The following PRDM14 variants were observed in gnomAD, a reference collection of about 807,000 sequenced individuals.
PRDM14 encodes PR domain zinc finger protein 14.
Under a neutral mutation model 48.0 loss-of-function variants are expected in PRDM14, and 16 were observed. The ratio of observed to expected loss-of-function variants is 0.33; its 90% CI spans 0.23 to 0.51. The LOEUF is 0.51. Among genes scored for constraint, PRDM14 ranks in the 20% least tolerant of loss-of-function variants. PRDM14 has a pLI of 0.97. For synonymous variants in PRDM14, 264 were observed against 276.6 expected, an observed-to-expected ratio of 0.95 and a Z score of 0.45; for missense variants, 566 against 719.6, an observed-to-expected ratio of 0.79 and a Z score of 2.44.
intron 5 of PRDM14, among the ~76,000 whole-genome samples, chr8:70,063,108 A>G (rs1292487617): frequency 1.3e-5 from 2 of 152,302 alleles, no homozygotes; most frequent in East Asian, 1.9e-4. Flanking sequence ...AGTTACAAAC[A>G]TTGTAATAAT....
intron 5 of PRDM14, among the ~76,000 whole-genome samples, chr8:70,064,950 G>A (rs554407006): frequency 2.2e-4 from 33 of 150,172 alleles, no homozygotes; most frequent in South Asian, 1.5e-3. Flanking sequence ...GCAGTGGTGC[G>A]GTCTTGGCAT....
At chr8:70,061,031 A>G (rs1805573523) in intron 5 of PRDM14, among the ~76,000 whole-genome samples, 1 of 152,196 alleles carries the variant, frequency 6.6e-6, no homozygotes, top group Non-Finnish European at 1.5e-5. Flanking sequence ...GAGTCTTACC[A>G]ATGTGAGTGA....
intron 5 of PRDM14, among the ~76,000 whole-genome samples, chr8:70,064,580 A>G (rs951472818): frequency 2.1e-5 from 3 of 144,314 alleles, no homozygotes; most frequent in African/African-American, 7.8e-5. Context: ...GCTGGTGTGC[A>G]GTGGCGCAAT....
chr8:70,055,423 T>A, intron 6 of PRDM14, 22 bp from the exon 7 acceptor site: 1 of 1,358,880 alleles, frequency 7.4e-7, no homozygotes, highest in Non-Finnish European at 1.1e-6. Context: ...AAGAAAAATA[T>A]AGTTGAAATC....
At chr8:70,063,743 G>T (rs1048275682) in intron 5 of PRDM14, among the ~76,000 whole-genome samples, 6 of 152,096 alleles carry the variant, frequency 3.9e-5, no homozygotes, top group Non-Finnish European at 8.8e-5. Context: ...GGCTGGTCGT[G>T]AACTCCTGAC....
Position 70,066,117 on chromosome 8 carries a change from G to A in PRDM14, c.1183+118C>T, listed in dbSNP as rs190549160. 1.9e-5 allele frequency: 21 copies of A among 1,130,742 alleles called. No homozygotes were observed. The East Asian group carries it at 2.1e-4, about 11-fold the overall frequency. The allele number at this position is 1,130,742 out of a possible 1,614,324, so 70.0% of individuals were successfully genotyped here. A position where few individuals can be genotyped will look rare whatever the true frequency, so the allele number is the denominator to read the frequency against. ...TTCCCCCCTGGTTAGAGACACTCTC[G>A]GTTAGTCCTCTGCATTAGCCTTTAG... On this transcript the variant is annotated intron_variant, in intron 5 of 7. Coordinates refer to ENST00000276594, the MANE Select transcript of PRDM14 (RefSeq NM_024504.4).
In PRDM14 at chr8:70,069,535, C is replaced by T. The variant is rs758795122; in HGVS notation, c.326G>A (p.Arg109Lys). 16 of 1,607,996 alleles carry T rather than the reference C, an allele frequency of 1.0e-5. No individual in the cohort carries two copies. Among genetic ancestry groups the T allele is most frequent in the Non-Finnish European group, 1.2e-5 (14 of 1,176,758 alleles). ...PPWYPIPHVP[R>K]EVPPFLSSSH... ...GCTGCTCAGGAAGGGCGGCACTTCCCTGGGGACGTGGGGAATTGGGTACCA... is the reference window on the plus strand; with the variant it reads ...GCTGCTCAGGAAGGGCGGCACTTCCTTGGGGACGTGGGGAATTGGGTACCA... The change falls in exon 2 of 8, where the codon AGG (arginine) becomes AAG (lysine). Residue 109 changes from arginine to lysine, a missense_variant. By Grantham distance (26) the Arg-to-Lys change is conservative. Coordinates refer to ENST00000276594, the MANE Select transcript of PRDM14 (RefSeq NM_024504.4).
rs1805708654 is a variant in PRDM14, at chr8:70,068,508, A to G, written c.725T>C (p.Leu242Pro). The G allele has an allele frequency of 6.2e-7, 1 of 1,614,122 alleles. No homozygotes were observed. The highest frequency in any genetic ancestry group is 8.5e-7 in the Non-Finnish European group (1 of 1,179,972). The stretch of plus-strand genomic sequence containing the variant: ...TGGAAGTTGAAGGGAGTCTTTATCC[A>G]GAGTTTGAGGAAGAGAATCAGATCC... Reference protein sequence around the residue: ...SSGSDSLPQTLDKDSLQLPEG... With the variant: ...SSGSDSLPQTPDKDSLQLPEG... Residue 242 changes from leucine to proline, a missense_variant, in exon 3 of 8, where the codon CTG (leucine) becomes CCG (proline). Transcript: ENST00000276594.
intron 4 of PRDM14, 67 bp from the exon 5 acceptor site, chr8:70,066,572 T>C: frequency 7.6e-7 from 1 of 1,309,896 alleles, no homozygotes; most frequent in Non-Finnish European, 1.1e-6. Context: ...AAATAAATTT[T>C]TTAATACTTG....
intron 7 of PRDM14, 65 bp downstream of exon 7, chr8:70,055,235 A>C (rs1585647175): frequency 2.2e-6 from 2 of 890,434 alleles, no homozygotes; most frequent in Non-Finnish European, 3.6e-6. Flanking sequence ...CTTTGTTTCA[A>C]GTTCTTATCC....
Position 70,069,264 on chromosome 8 carries a change from C to T in PRDM14, c.597G>A (p.Glu199=). The T allele has an allele frequency of 1.2e-6, 2 of 1,609,866 alleles. No individual in the cohort carries two copies. Among genetic ancestry groups the T allele is most frequent in the Non-Finnish European group, 8.5e-7 (1 of 1,177,840 alleles). The change falls in exon 2 of 8, where the codon GAG becomes GAA. Residue 199 remains glutamate (E), a synonymous_variant. Transcript: ENST00000276594. ...GKSPARFQFT[E]EDLHFVLYGV... ...CGTACAGAACGAAGTGCAGGTCCTC[C>T]TCCGTGAACTGGAACCGAGCAGGGG...
In PRDM14 at chr8:70,069,598, G is replaced by A. The variant is rs1173357975; in HGVS notation, c.263C>T (p.Pro88Leu). 4 of 1,591,750 alleles carry A rather than the reference G, an allele frequency of 2.5e-6. No homozygotes were observed. The highest frequency in any genetic ancestry group is 4.6e-5 in the East Asian group (2 of 43,732). ...GCTGTACCAGGGCAGATCGTAGAGA[G>A]GCTCCCTCTGTAGGCCCAGACCCGG... ...LSPGLGLQREPLYDLPWYSKL... is the reference protein window; with the variant it reads ...LSPGLGLQRELLYDLPWYSKL... The change falls in exon 2 of 8, where the codon CCT (proline) becomes CTT (leucine). Residue 88 changes from proline to leucine, a missense_variant. Pro to Leu is a moderately conservative substitution (Grantham distance 98). Around this residue, in one of 3 missense-constraint regions of PRDM14, gnomAD observed 410 missense variants for 424.6 expected, o/e 0.97. Transcript: ENST00000276594.
intron 6 of PRDM14, among the ~76,000 whole-genome samples, chr8:70,056,486 T>A (rs2131035551): frequency 6.6e-6 from 1 of 152,304 alleles, no homozygotes; most frequent in African/African-American, 2.4e-5. Flanking sequence ...ATTTATTTAT[T>A]TTTATTTATT....
rs1805733033 is a variant in PRDM14 at position 70,069,666 on chromosome 8, G to A, written c.195C>T (p.Ala65=). The stretch of plus-strand genomic sequence containing the variant: ...CCATCCGGAAGGGGAAGGGGGGCAT[G>A]GCGGGGGCAGCAGACGCTGCGGCCT... ...QLEAAASAAP[A]MPPFPFRMAP... is the part of the protein sequence containing the mutation. Residue 65 remains alanine, a synonymous_variant, in exon 2 of 8, where the codon GCC becomes GCT. Coordinates refer to ENST00000276594, the MANE Select transcript of PRDM14 (RefSeq NM_024504.4). 6.5e-7 allele frequency: 1 copy of A among 1,544,072 alleles called. No homozygotes were observed. Among genetic ancestry groups the A allele is most frequent in the Non-Finnish European group, 8.7e-7 (1 of 1,145,774 alleles).
intron 4 of PRDM14, among the ~76,000 whole-genome samples, chr8:70,067,059 T>C (rs1390418007): frequency 6.6e-6 from 1 of 152,234 alleles, no homozygotes; most frequent in Non-Finnish European, 1.5e-5. Context: ...GATTCTTACT[T>C]TTATCACTTT....
Position 70,051,990 on chromosome 8 carries a change from T to G in PRDM14, c.*87A>C, listed in dbSNP as rs1017517197. ...GATTTCACCATGTTGCCCAGGCTGG[T>G]CTCGAACTCCTGGACTTGAGTGATC... On this transcript the variant is annotated 3_prime_UTR_variant, in exon 8 of 8. Transcript: ENST00000276594. 2 of 884,458 alleles carry G rather than the reference T, an allele frequency of 2.3e-6. No homozygotes were observed. The highest frequency in any genetic ancestry group is 3.3e-5 in the African/African-American group (2 of 60,010). 54.8% of individuals were successfully genotyped at this position (884,458 alleles called of 1,614,324 possible).
chr8:70,058,459 T>A (rs1166749952), intron 6 of PRDM14, among the ~76,000 whole-genome samples, 181 bp downstream of exon 6: 2 of 152,210 alleles, frequency 1.3e-5, no homozygotes, highest in African/African-American at 4.8e-5. Flanking sequence ...CTAACACATG[T>A]GCATCGCTGT....
rs1163180147 is a variant in PRDM14 at position 70,052,203 on chromosome 8, A to G, written c.1590T>C (p.Ala530=). 1.5e-5 allele frequency: 24 copies of G among 1,613,978 alleles called. No homozygotes were observed. The highest frequency in any genetic ancestry group is 4.0e-5 in the African/African-American group (3 of 74,954). The part of the protein sequence containing the change: ...KYCGKSFASH[A]AHDSHVRRSH... ...AACGCCGGACATGGCTGTCATGGGC[A>G]GCATGGGATGCAAAAGATTTACCAC... The change falls in exon 8 of 8, where the codon GCT becomes GCC. Residue 530 remains alanine (A), a synonymous_variant. Coordinates refer to ENST00000276594, the MANE Select transcript of PRDM14 (RefSeq NM_024504.4).
chr8:70,068,176 C>G (rs767222250), intron 4 of PRDM14, 54 bp downstream of exon 4: 2 of 1,602,562 alleles, frequency 1.2e-6, no homozygotes, highest in Non-Finnish European at 1.7e-6. Context: ...AAGATTTCCC[C>G]GGACTAGTCT....
Sources: gnomAD v4.1 joint callset for allele counts (sites outside exome capture counted in the v4.1 genomes callset) on GRCh38, gnomAD v4.1.1 for gene constraint, gnomAD v4.1.1 regional missense constraint, MANE v1.5 for transcripts, NCBI Gene and HGNC (gene_info 2026-07-23, HGNC 2026-07-21) for gene names.